The following DRC8 variants were observed in gnomAD, a reference collection of about 807,000 sequenced individuals.
The protein encoded by DRC8 is dynein regulatory complex subunit 8.
chr1:245,028,222 A>T, the DRC8 span, among the ~76,000 whole-genome samples: 1 of 152,056 alleles, frequency 6.6e-6, no homozygotes, highest in Non-Finnish European at 1.5e-5. Context: ...TTTGTGCTTG[A>T]ATACTTTTTA....
the DRC8 span, among the ~76,000 whole-genome samples, chr1:244,986,141 G>A: frequency 6.0e-5 from 9 of 151,254 alleles, no homozygotes; most frequent in Middle Eastern, 0.01. Flanking sequence ...TTTTAGTAGA[G>A]ACGGGGTTTC....
the DRC8 span, among the ~76,000 whole-genome samples, chr1:245,002,455 C>T: frequency 1.3e-5 from 2 of 152,204 alleles, no homozygotes; most frequent in South Asian, 2.1e-4. Context: ...CCCCACCTTG[C>T]GTACTCTCAT....
the DRC8 span, among the ~76,000 whole-genome samples, chr1:245,050,005 C>G: frequency 6.6e-6 from 1 of 152,192 alleles, no homozygotes; most frequent in Admixed American, 6.5e-5. Context: ...GAGTCTGGCA[C>G]GCGTAATAAG....
At chr1:245,045,693 G>A in the DRC8 span, among the ~76,000 whole-genome samples, 1 of 152,072 alleles carries the variant, frequency 6.6e-6, no homozygotes, top group Non-Finnish European at 1.5e-5. Flanking sequence ...TCAGAGGCTA[G>A]GGTGAAGTTA....
the DRC8 span, among the ~76,000 whole-genome samples, chr1:244,983,793 A>G: frequency 7.3e-5 from 11 of 151,526 alleles, no homozygotes; most frequent in East Asian, 1.6e-3. Context: ...TTTTGCACCA[A>G]CTTAACCTAA....
At chr1:245,002,068 A>G in the DRC8 span, 23 of 1,429,828 alleles carry the variant, frequency 1.6e-5, no homozygotes, top group East Asian at 4.9e-4. Context: ...AATCACTCAT[A>G]TGACAATTTT....
At chr1:244,988,373 T>C in the DRC8 span, among the ~76,000 whole-genome samples, 1 of 152,164 alleles carries the variant, frequency 6.6e-6, no homozygotes, top group Admixed American at 6.6e-5. Flanking sequence ...CATACTAATT[T>C]AGTTATATTT....
the DRC8 span, among the ~76,000 whole-genome samples, chr1:244,981,636 A>C: frequency 7.9e-5 from 12 of 152,120 alleles, no homozygotes; most frequent in African/African-American, 2.4e-4. Context: ...GGAGCCATAA[A>C]CTGCAAGAAA....
the DRC8 span, among the ~76,000 whole-genome samples, chr1:244,980,723 G>A: frequency 6.6e-6 from 1 of 152,200 alleles, no homozygotes; most frequent in Non-Finnish European, 1.5e-5. Context: ...GTGCCTGTGA[G>A]GCATTCAGGT....
At chr1:244,971,938 G>A in the DRC8 span, among the ~76,000 whole-genome samples, 3 of 142,422 alleles carry the variant, frequency 2.1e-5, no homozygotes, top group South Asian at 2.3e-4. Flanking sequence ...AAAAATGGAT[G>A]GCTTATTTTT....
At chr1:245,119,410 A>G in the DRC8 span, among the ~76,000 whole-genome samples, 1 of 151,258 alleles carries the variant, frequency 6.6e-6, no homozygotes, top group Non-Finnish European at 1.5e-5. Context: ...ACAGTGGCTC[A>G]TGCCTGTAAT....
chr1:245,076,513 G>A, the DRC8 span, among the ~76,000 whole-genome samples: 1 of 152,042 alleles, frequency 6.6e-6, no homozygotes, highest in Non-Finnish European at 1.5e-5. Flanking sequence ...AAAAGACTCT[G>A]ACCAATACAG....
At chr1:245,102,596 C>T in the DRC8 span, among the ~76,000 whole-genome samples, 1 of 151,780 alleles carries the variant, frequency 6.6e-6, no homozygotes, top group Non-Finnish European at 1.5e-5. Flanking sequence ...GTGATCCACC[C>T]GCCTTGGCCT....
the DRC8 span, among the ~76,000 whole-genome samples, chr1:245,117,924 T>A: frequency 1.3e-5 from 2 of 152,010 alleles, no homozygotes; most frequent in African/African-American, 4.8e-5. Flanking sequence ...GCCAAGATTG[T>A]GCCACTGCAC....
At chr1:245,002,295 C>A in the DRC8 span, 1 of 1,372,836 alleles carries the variant, frequency 7.3e-7, no homozygotes. Flanking sequence ...TCTCTGCCTC[C>A]AGCCTTGCTT....
chr1:245,098,649 G>A, the DRC8 span, among the ~76,000 whole-genome samples: 2 of 152,166 alleles, frequency 1.3e-5, no homozygotes. Context: ...CAGTGGTAGC[G>A]CCGCGTTTTT....
the DRC8 span, among the ~76,000 whole-genome samples, chr1:245,005,586 G>A: frequency 6.6e-6 from 1 of 152,028 alleles, no homozygotes; most frequent in African/African-American, 2.4e-5. Flanking sequence ...TGAGTGATCT[G>A]CCTGCCTCGG....
At chr1:244,974,990 G>T in the DRC8 span, among the ~76,000 whole-genome samples, 2 of 151,838 alleles carry the variant, frequency 1.3e-5, no homozygotes, top group African/African-American at 2.4e-5. Flanking sequence ...GAGTGCAGTG[G>T]CACGATCTTG....
At chr1:245,109,352 G>C in the DRC8 span, among the ~76,000 whole-genome samples, 1 of 152,182 alleles carries the variant, frequency 6.6e-6, no homozygotes, top group Non-Finnish European at 1.5e-5. Context: ...TGGAAGGACA[G>C]GGACAATCTC....
Sources: gnomAD v4.1 joint callset for allele counts (sites outside exome capture counted in the v4.1 genomes callset) on GRCh38, gnomAD v4.1.1 for gene constraint, MANE v1.5 for transcripts, NCBI Gene and HGNC (gene_info 2026-07-23, HGNC 2026-07-21) for gene names.